Variants in JAK1 observed in about 807,000 individuals in gnomAD.
JAK1 encodes the protein tyrosine-protein kinase JAK1.
JAK1 carries 16 observed loss-of-function variants against 136.6 expected under a neutral mutation model. The ratio of observed to expected loss-of-function variants is 0.12; its 90% CI spans 0.08 to 0.18. JAK1 has a LOEUF of 0.18. JAK1 is among the 10% of genes least tolerant of loss of function. The pLI is 1.00. For synonymous variants in JAK1, 492 were observed against 519.5 expected (o/e 0.95, Z 0.72); for missense variants, 859 against 1,450.1 (o/e 0.59, Z 6.62).
chr1:64,869,562 C>T (rs1482682795), intron 5 of JAK1, 88 bp from the exon 6 acceptor site: 21 of 984,562 alleles, frequency 2.1e-5, no homozygotes, highest in South Asian at 1.9e-4. Context: ...CGCCTAGAAA[C>T]GCAGCACAGC....
chr1:65,013,635 A>G (rs533878831), intron 2 of JAK1, among the ~76,000 whole-genome samples: 25 of 152,232 alleles, frequency 1.6e-4, no homozygotes, highest in Non-Finnish European at 2.5e-4. Context: ...ATTTGGTGCC[A>G]TATTGATGAC....
At position 64,883,334 on chromosome 1, in the gene JAK1, G is replaced by C. The variant is rs1570701475; in HGVS notation, c.148C>G (p.Leu50Val). The C allele has an allele frequency of 1.2e-6, 2 of 1,614,050 alleles. No homozygotes were observed. The highest frequency in any genetic ancestry group is 1.7e-5 in the Admixed American group (1 of 60,008). Residue 50 changes from leucine to valine, a missense_variant, in exon 3 of 25, where the codon CTG (leucine) becomes GTG (valine). Physicochemically the swap from Leu to Val is conservative, Grantham distance 32. Around this residue, in one of 4 missense-constraint regions of JAK1, gnomAD observed 353 missense variants for 494.0 expected, o/e 0.71. Coordinates refer to ENST00000342505, the MANE Select transcript of JAK1 (RefSeq NM_002227.4). ...FYLSDREPLR[L>V]GSGEYTAEEL... The stretch of plus-strand genomic sequence containing the variant: ...TCTGCTGTGTACTCTCCACTGCCCA[G>C]CCGGAGGGGCTCCCTGTCCGACAGA...
In JAK1 at chr1:64,834,096, G is replaced by C; in HGVS notation, c.*466C>G. 1 of 245,348 alleles carries C rather than the reference G, an allele frequency of 4.1e-6. No homozygotes were observed. The highest frequency in any genetic ancestry group is 8.1e-6 in the Non-Finnish European group (1 of 124,152). 15.2% of individuals were successfully genotyped at this position (245,348 alleles called of 1,614,324 possible). A position where few individuals can be genotyped will look rare whatever the true frequency, so the allele number is the denominator to read the frequency against. On this transcript the variant is annotated 3_prime_UTR_variant, in exon 25 of 25. Transcript: ENST00000342505. ...CATGGTCTAGTACTGTATAGATACT[G>C]AAATTTGAGGGCTAAGTCCATCAAT...
chr1:64,879,644 T>G (rs1054557810), intron 3 of JAK1, among the ~76,000 whole-genome samples: 9 of 152,152 alleles, frequency 5.9e-5, no homozygotes, highest in Admixed American at 5.2e-4. Flanking sequence ...GTATGCAAAA[T>G]GCATATTAGA....
intron 1 of JAK1, among the ~76,000 whole-genome samples, chr1:65,047,535 G>C (rs1351748485): frequency 6.6e-6 from 1 of 152,044 alleles, no homozygotes; most frequent in Non-Finnish European, 1.5e-5. Flanking sequence ...TGGCTAACAC[G>C]GTGAAACCCC....
At chr1:64,893,674 G>A (rs1038844385) in intron 1 of JAK1, among the ~76,000 whole-genome samples, 1 of 152,096 alleles carries the variant, frequency 6.6e-6, no homozygotes, top group African/African-American at 2.4e-5. Context: ...GTGAGTATGC[G>A]CAAGGCTTTT....
chr1:64,892,195 C>A (rs1644947783), intron 1 of JAK1, among the ~76,000 whole-genome samples: 1 of 152,168 alleles, frequency 6.6e-6, no homozygotes, highest in Non-Finnish European at 1.5e-5. Context: ...CATATCCTTA[C>A]CCCAGGGTCA....
chr1:64,952,955 C>T (rs74567088), intron 1 of JAK1, among the ~76,000 whole-genome samples: 7,512 of 152,186 alleles, frequency 0.049, 397 homozygotes, highest in East Asian at 0.26. Flanking sequence ...GAATAACTTG[C>T]CCACGATCAC....
chr1:64,868,613 G>A lies in JAK1; in HGVS notation c.647+698C>T, dbSNP rs185153262. 2.7e-4 allele frequency among the ~76,000 whole-genome samples: 41 copies of A among 152,228 alleles called. 1 individual carries two copies. The highest frequency in any genetic ancestry group is 9.9e-4 in the African/African-American group (41 of 41,546). On this transcript the variant is annotated intron_variant, in intron 6 of 24. Coordinates refer to ENST00000342505, the MANE Select transcript of JAK1 (RefSeq NM_002227.4). Reference sequence around the variant, plus strand: ...GATCTGCTCTAGACTCTGGTCAAGCGCAAGGAGAAACAAGCAGCAACCTAA... The same window carrying A: ...GATCTGCTCTAGACTCTGGTCAAGCACAAGGAGAAACAAGCAGCAACCTAA...
At chr1:64,882,573 A>C (rs1267413608) in intron 3 of JAK1, among the ~76,000 whole-genome samples, 1 of 152,160 alleles carries the variant, frequency 6.6e-6, no homozygotes. Context: ...CTATGATTTA[A>C]CTTGTCATTT....
At chr1:64,993,899 G>A (rs1646680352) in intron 2 of JAK1, among the ~76,000 whole-genome samples, 3 of 152,192 alleles carry the variant, frequency 2.0e-5, no homozygotes, top group Admixed American at 6.5e-5. Context: ...CACCCACTTC[G>A]GCCTCCCAAA....
chr1:65,018,487 A>AACACACACAC (rs556710090), intron 2 of JAK1, among the ~76,000 whole-genome samples: 6 of 96,052 alleles, frequency 6.2e-5, no homozygotes, highest in African/African-American at 3.1e-4. Flanking sequence ...AGAGAGAGAG[A>AACACACACAC]ACACACACAC....
At chr1:64,985,520 G>A (rs1178332605) in intron 2 of JAK1, 13 of 1,512,358 alleles carry the variant, frequency 8.6e-6, no homozygotes, top group Non-Finnish European at 1.2e-5. Context: ...TAGCAGGAGA[G>A]ATGGGAAAGC....
chr1:64,901,900 A>G (rs1645111011), intron 1 of JAK1, among the ~76,000 whole-genome samples: 1 of 152,140 alleles, frequency 6.6e-6, no homozygotes, highest in Non-Finnish European at 1.5e-5. Context: ...TCTTTCACCT[A>G]CACAATGTCC....
At chr1:65,038,188 T>TC (rs1647093759) in intron 2 of JAK1, among the ~76,000 whole-genome samples, 1 of 150,600 alleles carries the variant, frequency 6.6e-6, no homozygotes, top group Non-Finnish European at 1.5e-5. Flanking sequence ...TTCTTTTTCT[T>TC]TTTTCTTTTC....
chr1:64,929,582 A>C (rs1054338119), intron 1 of JAK1, among the ~76,000 whole-genome samples: 1 of 152,218 alleles, frequency 6.6e-6, no homozygotes, highest in Admixed American at 6.5e-5. Context: ...TGACTTTACC[A>C]TAAGTAAATG....
intron 2 of JAK1, among the ~76,000 whole-genome samples, chr1:65,026,035 T>G (rs1291979488): frequency 6.6e-6 from 1 of 152,094 alleles, no homozygotes. Flanking sequence ...CATTCCAGCA[T>G]CATAGGTTGG....
At chr1:64,934,636 C>T (rs145465995) in intron 1 of JAK1, among the ~76,000 whole-genome samples, 34 of 152,340 alleles carry the variant, frequency 2.2e-4, no homozygotes, top group African/African-American at 7.5e-4. Flanking sequence ...AACCTTCCAT[C>T]TACTGGACCT....
intron 2 of JAK1, chr1:64,989,714 G>C (rs1194648709): frequency 2.0e-5 from 3 of 152,128 alleles, no homozygotes; most frequent in Non-Finnish European, 4.4e-5. Context: ...ACCACCTAAG[G>C]CTTGGGCAAA....
Sources: allele counts gnomAD v4.1 joint callset (sites outside exome capture counted in the v4.1 genomes callset), GRCh38; gene constraint gnomAD v4.1.1; regional missense constraint gnomAD v4.1.1; transcripts MANE v1.5; gene names NCBI Gene and HGNC (gene_info 2026-07-23, HGNC 2026-07-21).